The following PRKCB variants were observed in gnomAD, a reference collection of about 807,000 sequenced individuals.
PRKCB encodes protein kinase C beta type.
PRKCB carries 13 observed loss-of-function variants against 81.5 expected under a neutral mutation model. The observed-to-expected ratio is 0.16, with a 90% confidence interval of 0.10 to 0.25. PRKCB has a LOEUF of 0.25. PRKCB is among the 10% of genes least tolerant of loss of function. PRKCB has a pLI of 1.00. For synonymous variants in PRKCB, 335 were observed against 321.4 expected (o/e 1.04, Z -0.45); for missense variants, 509 against 875.7 (o/e 0.58, Z 5.29).
At position 24,216,993 on chromosome 16, in the gene PRKCB, A is replaced by C; in HGVS notation, c.*2177A>C. On this transcript the variant is annotated 3_prime_UTR_variant, in exon 17 of 17. Coordinates refer to ENST00000643927, the MANE Select transcript of PRKCB (RefSeq NM_002738.7). ...GATCATGATCCCATTTTGCTTGGAC[A>C]TGCTCTCAGGAAGATAAAAACCATG... 1 of 985,422 alleles carries C rather than the reference A, an allele frequency of 1.0e-6. No individual in the cohort carries two copies. Among genetic ancestry groups the C allele is most frequent in the South Asian group, 4.7e-5 (1 of 21,292 alleles). 61.0% of individuals were successfully genotyped at this position (985,422 alleles called of 1,614,324 possible).
chr16:23,882,671 T>G (rs1963142302), intron 2 of PRKCB, among the ~76,000 whole-genome samples: 1 of 152,196 alleles, frequency 6.6e-6, no homozygotes, highest in African/African-American at 2.4e-5. Context: ...TATATATTAA[T>G]CGGTCAATGG....
At chr16:24,001,806 TGA>T (rs905039712) in intron 3 of PRKCB, among the ~76,000 whole-genome samples, 4 of 152,164 alleles carry the variant, frequency 2.6e-5, no homozygotes, top group African/African-American at 9.6e-5. Flanking sequence ...TAAATGAAAA[TGA>T]GAGAAATCCA....
At chr16:24,081,264 T>TAA (rs576041051) in intron 5 of PRKCB, among the ~76,000 whole-genome samples, 21 of 142,170 alleles carry the variant, frequency 1.5e-4, no homozygotes, top group African/African-American at 5.1e-4. Context: ...GGCTTAATAA[T>TAA]AAAAAAAAAA....
chr16:23,976,782 T>A (rs2141808718), intron 2 of PRKCB, among the ~76,000 whole-genome samples: 1 of 152,070 alleles, frequency 6.6e-6, no homozygotes, highest in Admixed American at 6.6e-5. Context: ...AGTCATGGGG[T>A]CAAGGACAGT....
At chr16:23,837,231 G>A (rs915427555) in intron 1 of PRKCB, 144 bp from the exon 2 acceptor site, 2 of 971,526 alleles carry the variant, frequency 2.1e-6, no homozygotes, top group Non-Finnish European at 3.3e-6. Flanking sequence ...CCACAAAGGC[G>A]GAAGACTCTT....
chr16:24,048,438 A>G (rs1218301765), intron 5 of PRKCB, among the ~76,000 whole-genome samples: 1 of 151,916 alleles, frequency 6.6e-6, no homozygotes, highest in African/African-American at 2.4e-5. Context: ...CAGTGGAGTG[A>G]TGATGATACA....
intron 2 of PRKCB, among the ~76,000 whole-genome samples, chr16:23,872,347 G>A (rs1303238751): frequency 1.3e-5 from 2 of 152,158 alleles, no homozygotes; most frequent in Non-Finnish European, 2.9e-5. Context: ...GCAAGACTTC[G>A]TCTTTACAAA....
At chr16:24,193,667 A>G (rs1022553678) in intron 16 of PRKCB, among the ~76,000 whole-genome samples, 14 of 152,032 alleles carry the variant, frequency 9.2e-5, no homozygotes, top group African/African-American at 1.4e-4. Flanking sequence ...TAGTCAGGGC[A>G]TGGGGTGATG....
At chr16:23,997,445 C>T (rs1596503862) in intron 3 of PRKCB, among the ~76,000 whole-genome samples, 1 of 152,138 alleles carries the variant, frequency 6.6e-6, no homozygotes, top group Non-Finnish European at 1.5e-5. Context: ...AGCTGAGGTG[C>T]CCACTGAAGG....
chr16:24,159,398 A>G (rs1450330685), intron 10 of PRKCB, among the ~76,000 whole-genome samples: 2 of 152,212 alleles, frequency 1.3e-5, no homozygotes, highest in East Asian at 3.9e-4. Flanking sequence ...GACAATGATG[A>G]TACAAACAAG....
chr16:23,977,362 TA>T (rs1312339085), intron 2 of PRKCB, among the ~76,000 whole-genome samples: 1 of 152,108 alleles, frequency 6.6e-6, no homozygotes, highest in Non-Finnish European at 1.5e-5. Flanking sequence ...CAGGAGCTTT[TA>T]AAACGTACTG....
At chr16:24,142,514 C>T (rs1186801779) in intron 9 of PRKCB, among the ~76,000 whole-genome samples, 1 of 152,202 alleles carries the variant, frequency 6.6e-6, no homozygotes, top group Non-Finnish European at 1.5e-5. Context: ...GCTTTTCTCT[C>T]TGTCCTCCTC....
intron 2 of PRKCB, among the ~76,000 whole-genome samples, chr16:23,942,624 A>C (rs775449090): frequency 1.3e-5 from 2 of 152,260 alleles, no homozygotes; most frequent in African/African-American, 4.8e-5. Context: ...CCTTGCCTAC[A>C]TACTGAGGAT....
Position 24,000,261 on chromosome 16 carries a change from A to G in PRKCB, c.288+11671A>G, listed in dbSNP as rs565951726. ...CACACTGGACTTTATAAAAATCTGC[A>G]TGTTATAGTGTGGCTCAGAGTCATA... On this transcript the variant is annotated intron_variant, in intron 3 of 16. Transcript: ENST00000643927. Among the ~76,000 whole-genome samples the G allele has an allele frequency of 1.1e-4, 16 of 152,338 alleles. 1 individual carries two copies. The highest frequency in any genetic ancestry group is 3.8e-4 in the African/African-American group (16 of 41,590).
chr16:23,878,757 C>T (rs1416684134), intron 2 of PRKCB, among the ~76,000 whole-genome samples: 1 of 152,104 alleles, frequency 6.6e-6, no homozygotes, highest in Non-Finnish European at 1.5e-5. Context: ...GACTATAACC[C>T]CTGTTATTAG....
chr16:23,977,074 G>A (rs1388935580), intron 2 of PRKCB, among the ~76,000 whole-genome samples: 1 of 152,092 alleles, frequency 6.6e-6, no homozygotes, highest in African/African-American at 2.4e-5. Context: ...TTAGTGCTGG[G>A]CTGTGAATAA....
At chr16:24,053,344 C>A (rs564196403) in intron 5 of PRKCB, among the ~76,000 whole-genome samples, 1 of 152,202 alleles carries the variant, frequency 6.6e-6, no homozygotes, top group African/African-American at 2.4e-5. Flanking sequence ...TTGGAGCTAT[C>A]TGGTCACTGT....
intron 15 of PRKCB, among the ~76,000 whole-genome samples, chr16:24,186,093 A>G (rs192706271): frequency 3.7e-4 from 57 of 152,326 alleles, no homozygotes; most frequent in African/African-American, 1.3e-3. Flanking sequence ...AGACACACAC[A>G]CAAATGGCTA....
intron 8 of PRKCB, among the ~76,000 whole-genome samples, chr16:24,122,157 G>C (rs565786703): frequency 6.6e-6 from 1 of 152,184 alleles, no homozygotes; most frequent in Non-Finnish European, 1.5e-5. Flanking sequence ...TCAGGGAAGA[G>C]CCCTCTTATC....
Sources: allele counts gnomAD v4.1 joint callset (sites outside exome capture counted in the v4.1 genomes callset), GRCh38; gene constraint gnomAD v4.1.1; transcripts MANE v1.5; gene names NCBI Gene and HGNC (gene_info 2026-07-23, HGNC 2026-07-21).